Variants in FAM177B observed in about 807,000 individuals in gnomAD.
The protein encoded by FAM177B is protein FAM177B.
A neutral mutation model predicts 16.1 loss-of-function variants in FAM177B; 16 were observed. That is an observed-to-expected ratio of 0.99 (90% CI 0.67 to 1.51). The LOEUF (loss-of-function observed/expected upper bound fraction) is 1.51. Among genes scored for constraint, FAM177B ranks in the 40% most tolerant of loss-of-function variants. The pLI, the probability that FAM177B is intolerant of heterozygous loss-of-function variation, is 0.00. For synonymous variants in FAM177B, 56 were observed against 59.9 expected, an observed-to-expected ratio of 0.93 and a Z score of 0.30; for missense variants, 178 against 183.7, an observed-to-expected ratio of 0.97 and a Z score of 0.18.
At chr1:222,747,239 G>T in intron 4 of FAM177B, 158 bp downstream of exon 4, 6 of 587,932 alleles carry the variant, frequency 1.0e-5, no homozygotes, top group Non-Finnish European at 1.5e-5. Context: ...ACAGAACTTC[G>T]CATCCTCAGG....
intron 2 of FAM177B, among the ~76,000 whole-genome samples, chr1:222,741,935 T>TTTCTTTCTTTCTTTCTTTCCTTCC (rs1658570307): frequency 7.7e-6 from 1 of 130,704 alleles, no homozygotes; most frequent in Non-Finnish European, 1.6e-5. Flanking sequence ...TCTCTCTTTC[T>TTTCTTTCTTTCTTTCTTTCCTTCC]TTCTTTCTTT....
chr1:222,742,604 C>T (rs1284277619), intron 2 of FAM177B: 1 of 152,178 alleles, frequency 6.6e-6, no homozygotes, highest in Admixed American at 6.5e-5. Flanking sequence ...CTGGTACATA[C>T]TGAAAATCCT....
intron 2 of FAM177B, among the ~76,000 whole-genome samples, chr1:222,741,531 C>CT (rs1309405809): frequency 5.5e-5 from 8 of 146,252 alleles, no homozygotes; most frequent in Non-Finnish European, 7.4e-5. Context: ...ATTGAATTCT[C>CT]TATTTTTTTT....
At position 222,750,805 on chromosome 1, in the gene FAM177B, CAAA is replaced by C. The variant is rs67590420; in HGVS notation, c.*759_*761del. The C allele has an allele frequency of 2.8e-5, 4 of 143,380 alleles. No homozygotes were observed. The highest frequency in any genetic ancestry group is 6.0e-5 in the Non-Finnish European group (4 of 67,002). The allele number at this position is 143,380 out of a possible 1,614,324, so 8.9% of individuals were successfully genotyped here. On this transcript the variant is annotated 3_prime_UTR_variant, in exon 6 of 6. Coordinates refer to ENST00000445590, the MANE Select transcript of FAM177B (RefSeq NM_001394345.1). The stretch of plus-strand genomic sequence containing the variant: ...GATACATTAATAGCAAAAAACAAAC[CAAA>C]AAAAAAAAAAATGAAAAACACAGGG...
chr1:222,742,011 C>A (rs1658575541), intron 2 of FAM177B, among the ~76,000 whole-genome samples: 1 of 148,300 alleles, frequency 6.7e-6, no homozygotes, highest in Admixed American at 6.8e-5. Context: ...TCACAGTGTT[C>A]CCCAGGCTGG....
In FAM177B at chr1:222,737,961, G is replaced by A. The variant is rs2125056078; in HGVS notation, c.-76G>A. On this transcript the variant is annotated 5_prime_UTR_variant, in exon 2 of 6. An upstream open reading frame in the 5' UTR loses its in-frame stop. Coordinates refer to ENST00000445590, the MANE Select transcript of FAM177B (RefSeq NM_001394345.1). ...AGAATGACTTTAGTGTTGTTGGCCT[G>A]AGCAACTGGAAGAACAGAGTTGCCA... 1 of 152,372 alleles carries A rather than the reference G, an allele frequency of 6.6e-6. No homozygotes were observed. The highest frequency in any genetic ancestry group is 2.4e-5 in the African/African-American group (1 of 41,568). 9.4% of individuals were successfully genotyped at this position (152,372 alleles called of 1,614,324 possible).
chr1:222,742,059 A>G (rs1029220588), intron 2 of FAM177B, among the ~76,000 whole-genome samples: 3 of 150,806 alleles, frequency 2.0e-5, no homozygotes, highest in African/African-American at 7.3e-5. Context: ...TCTCACCTCA[A>G]CCTCTGTAAC....
chr1:222,749,465 C>T lies in FAM177B; in HGVS notation c.242C>T (p.Thr81Ile). Residue 81 changes from threonine to isoleucine, a missense_variant and splice_region_variant, in exon 5 of 6, where the codon ACA becomes ATA. Thr to Ile is a moderately conservative substitution (Grantham distance 89). Transcript: ENST00000445590. Reference sequence around the variant, plus strand: ...CGCAAGTGCTCGTTCTTTCTTTTAGCATGTGAATTCCTTGGTGGAAGATTT... The same window carrying T: ...CGCAAGTGCTCGTTCTTTCTTTTAGTATGTGAATTCCTTGGTGGAAGATTT... ...AGRIASTSFS[T>I]CEFLGGRFAV... 1 of 1,590,146 alleles carries T rather than the reference C, an allele frequency of 6.3e-7. No homozygotes were observed. Among genetic ancestry groups the T allele is most frequent in the Non-Finnish European group, 8.6e-7 (1 of 1,161,956 alleles).
chr1:222,741,905 CCT>C (rs71175184), intron 2 of FAM177B, among the ~76,000 whole-genome samples: 40,789 of 77,538 alleles, frequency 0.53, 11,887 homozygotes, highest in Non-Finnish European at 0.63. Context: ...TCCCTCCCTC[CCT>C]CTCTCTCTCT....
rs775710532 is a variant in FAM177B at position 222,749,934 on chromosome 1, A to G, written c.353A>G (p.Lys118Arg). Residue 118 changes from lysine to arginine, a missense_variant, in exon 6 of 6, where the codon AAA becomes AGA. By Grantham distance (26) the Lys-to-Arg change is conservative (BLOSUM62 2). Coordinates refer to ENST00000445590, the MANE Select transcript of FAM177B (RefSeq NM_001394345.1). The part of the protein sequence containing the change: ...YRIQNKKSDN[K>R]SERRGSKAQA... ...TCTCCAAAACAGAAAAGTGACAACA[A>G]AAGTGAAAGGAGAGGATCAAAGGCC... 52 of 1,614,050 alleles carry G rather than the reference A, an allele frequency of 3.2e-5. No individual in the cohort carries two copies. The South Asian group carries it at 5.7e-4, about 18-fold the overall frequency.
At chr1:222,738,659 C>T (rs928308880) in intron 2 of FAM177B, among the ~76,000 whole-genome samples, 1 of 149,176 alleles carries the variant, frequency 6.7e-6, no homozygotes, top group Admixed American at 6.7e-5. Context: ...AAAGCAAGAC[C>T]GTGTCTCAAA....
chr1:222,750,922 T>C lies in FAM177B; in HGVS notation c.*864T>C, dbSNP rs1659024078. ...ATGTCTAGATTTCTGAGCTCCAGTC[T>C]ACTTTGTAAAATATGGGTGACTTGA... is the stretch of plus-strand genomic sequence containing the variant. On this transcript the variant is annotated 3_prime_UTR_variant, in exon 6 of 6. Coordinates refer to ENST00000445590, the MANE Select transcript of FAM177B (RefSeq NM_001394345.1). The C allele has an allele frequency of 6.6e-6, 1 of 152,196 alleles. No homozygotes were observed. The highest frequency in any genetic ancestry group is 2.1e-4 in the South Asian group (1 of 4,832). The allele number at this position is 152,196 out of a possible 1,614,324, so 9.4% of individuals were successfully genotyped here.
rs1658966048 is a variant in FAM177B, at chr1:222,749,638, A to T, written c.339+76A>T. The T allele has an allele frequency of 8.9e-6, 8 of 898,706 alleles. No homozygotes were observed. In the South Asian group the frequency reaches 1.3e-4, roughly 14 times the overall value. The allele number at this position is 898,706 out of a possible 1,614,324, so 55.7% of individuals were successfully genotyped here. On this transcript the variant is annotated intron_variant, in intron 5 of 5. Transcript: ENST00000445590. The stretch of plus-strand genomic sequence containing the variant: ...GCTCCAAATTTAGGCCAGTATAGAG[A>T]AGTATTTTTCCCACCTGGTCATATG...
Position 222,741,751 on chromosome 1 carries a change from T to TCTTTCTTTCTTTTTCTTTCTTC in FAM177B, c.-16+3752_-16+3773dup, listed in dbSNP as rs1182192899. On this transcript the variant is annotated intron_variant, in intron 2 of 5. Coordinates refer to ENST00000445590, the MANE Select transcript of FAM177B (RefSeq NM_001394345.1). ...TCCCTCCCTCCCTCCCTCCCTCCTT[T>TCTTTCTTTCTTTTTCTTTCTTC]CTTTCTTTCTTTTTCTTTCTTCCTT... Among the ~76,000 whole-genome samples the TCTTTCTTTCTTTTTCTTTCTTC allele has an allele frequency of 9.7e-4, 135 of 139,052 alleles. 9 individuals carry two copies. The East Asian group carries it at 0.029, about 30-fold the overall frequency. 91.2% of individuals were successfully genotyped at this position (139,052 alleles called of 152,430 possible).
chr1:222,749,361 C>G, intron 4 of FAM177B, 104 bp from the exon 5 acceptor site: 1 of 633,714 alleles, frequency 1.6e-6, no homozygotes, highest in Non-Finnish European at 2.8e-6. Flanking sequence ...AGTAATAGAC[C>G]ACTATTACTA....
At chr1:222,747,864 A>G (rs1658870255) in intron 4 of FAM177B, among the ~76,000 whole-genome samples, 1 of 152,226 alleles carries the variant, frequency 6.6e-6, no homozygotes, top group Admixed American at 6.5e-5. Context: ...CAAGGGACTC[A>G]ATATTCAGTG....
At chr1:222,745,016 T>C (rs1017957460) in intron 2 of FAM177B, among the ~76,000 whole-genome samples, 10 of 152,240 alleles carry the variant, frequency 6.6e-5, no homozygotes, top group African/African-American at 2.4e-4. Context: ...TCTAAATTTC[T>C]ACATAAATGG....
Position 222,748,729 on chromosome 1 carries a change from A to C in FAM177B, c.242-736A>C, listed in dbSNP as rs148641413. ...CAAATAAACAGGACAAAGAGATAGCATATTAATGAAAAGATAAGACATATT... is the reference window on the plus strand; with the variant it reads ...CAAATAAACAGGACAAAGAGATAGCCTATTAATGAAAAGATAAGACATATT... On this transcript the variant is annotated intron_variant, in intron 4 of 5. Coordinates refer to ENST00000445590, the MANE Select transcript of FAM177B (RefSeq NM_001394345.1). 3.6e-3 allele frequency among the ~76,000 whole-genome samples: 541 copies of C among 152,360 alleles called. 2 individuals are homozygous for C. Among genetic ancestry groups the C allele is most frequent in the Non-Finnish European group, 6.1e-3 (413 of 68,028 alleles).
At chr1:222,741,109 A>C (rs1572004012) in intron 2 of FAM177B, among the ~76,000 whole-genome samples, 1 of 117,334 alleles carries the variant, frequency 8.5e-6, no homozygotes, top group Admixed American at 1.2e-4. Context: ...CCCAGGCTGG[A>C]GGGCAGTGGT....
Sources: allele counts gnomAD v4.1 joint callset (sites outside exome capture counted in the v4.1 genomes callset), GRCh38; gene constraint gnomAD v4.1.1; transcripts MANE v1.5; gene names NCBI Gene and HGNC (gene_info 2026-07-23, HGNC 2026-07-21).